RAI2: variants seen among roughly 807,000 people sequenced by gnomAD.
The protein encoded by RAI2 is retinoic acid-induced protein 2.
A neutral mutation model predicts 15.3 loss-of-function variants in RAI2; 5 were observed. That is an observed-to-expected ratio of 0.33 (90% CI 0.17 to 0.69). The LOEUF is 0.69. RAI2 is among the 30% of genes least tolerant of loss of function. The probability of loss-of-function intolerance (pLI) is 0.69; values close to 1 mark genes in which losing one functional copy is unlikely to be tolerated. For missense variants in RAI2, 424 were observed against 424.7 expected, an observed-to-expected ratio of 1.00 and a Z score of 0.01; for synonymous variants, 191 against 184.0, an observed-to-expected ratio of 1.04 and a Z score of -0.31.
In RAI2 at chrX:17,809,579, AATT is replaced by A. The variant is rs760368595; in HGVS notation, c.-24-7548_-24-7546del. On this transcript the variant is annotated intron_variant, in intron 1 of 1. Coordinates refer to ENST00000451717, the MANE Select transcript of RAI2 (RefSeq NM_021785.6). ...TAAATATAGGAAGGCATATAAATCT[AATT>A]ATATATGTGTGTGCATGTGTGTGTG... Among the ~76,000 whole-genome samples, 9 of 111,417 alleles carry A rather than the reference AATT, an allele frequency of 8.1e-5. No individual in the cohort carries two copies. The East Asian group carries it at 2.5e-3, about 31-fold the overall frequency.
At chrX:17,812,337 G>A (rs1306358923) in intron 1 of RAI2, among the ~76,000 whole-genome samples, 1 of 112,091 alleles carries the variant, frequency 8.9e-6, no homozygotes, top group East Asian at 2.8e-4. Flanking sequence ...CTTACCATAA[G>A]CTTGGTGTTA....
chrX:17,815,336 CACACACACACA>C (rs2067095769), intron 1 of RAI2, among the ~76,000 whole-genome samples: 1 of 89,203 alleles, frequency 1.1e-5, no homozygotes, highest in Non-Finnish European at 2.6e-5. Context: ...CACACACACA[CACACACACACA>C]CACACACACA....
chrX:17,824,140 T>C (rs1291904139), intron 1 of RAI2, among the ~76,000 whole-genome samples: 1 of 112,831 alleles, frequency 8.9e-6, no homozygotes, highest in Non-Finnish European at 1.9e-5. Flanking sequence ...AGCAAATGTC[T>C]GCAAATAAGG....
chrX:17,815,217 T>C (rs1056583704), intron 1 of RAI2, among the ~76,000 whole-genome samples: 10 of 111,671 alleles, frequency 9.0e-5, no homozygotes, highest in African/African-American at 3.3e-4. Flanking sequence ...AGATCGGCTG[T>C]ATAACATCTG....
intron 1 of RAI2, among the ~76,000 whole-genome samples, chrX:17,807,342 T>C (rs901765903): frequency 4.5e-5 from 5 of 111,926 alleles, no homozygotes; most frequent in African/African-American, 1.6e-4. Flanking sequence ...CAGGGGATAG[T>C]CTCCCACCTC....
intron 1 of RAI2, among the ~76,000 whole-genome samples, chrX:17,836,287 T>C (rs187115422): frequency 8.9e-6 from 1 of 111,908 alleles, no homozygotes; most frequent in East Asian, 2.8e-4. Flanking sequence ...CTGTCATAAG[T>C]TGAAAATATT....
intron 1 of RAI2, among the ~76,000 whole-genome samples, chrX:17,831,775 TA>T (rs2067284900): frequency 8.9e-6 from 1 of 112,402 alleles, no homozygotes; most frequent in African/African-American, 3.2e-5. Flanking sequence ...TCAATAGACC[TA>T]AATCTGTCTA....
intron 1 of RAI2, among the ~76,000 whole-genome samples, chrX:17,804,413 G>A (rs1272318573): frequency 8.9e-6 from 1 of 112,263 alleles, no homozygotes; most frequent in Admixed American, 9.4e-5. Context: ...ACGCATCAAC[G>A]TTATGCCAGG....
At chrX:17,858,189 C>T (rs1169409677) in intron 1 of RAI2, among the ~76,000 whole-genome samples, 1 of 111,727 alleles carries the variant, frequency 9.0e-6, no homozygotes, top group Non-Finnish European at 1.9e-5. Context: ...AAATAAGAGA[C>T]CTGGAGCAGG....
intron 1 of RAI2, among the ~76,000 whole-genome samples, chrX:17,852,333 G>T (rs1406895315): frequency 9.0e-6 from 1 of 111,492 alleles, no homozygotes; most frequent in African/African-American, 3.3e-5. Context: ...TTCCTCACTG[G>T]CTAGTATGCA....
rs764615393 is a variant in RAI2 at position 17,807,749 on chromosome X, A to G, written c.-24-5715T>C. The stretch of plus-strand genomic sequence containing the variant: ...TGTTAGATGCCCGCAACCAACAAAT[A>G]GGTGGATTTTAGGACTTGGAGAATA... On this transcript the variant is annotated intron_variant, in intron 1 of 1. Transcript: ENST00000451717. 2.7e-5 allele frequency among the ~76,000 whole-genome samples: 3 copies of G among 112,133 alleles called. 1 individual carries two copies. The South Asian group carries it at 1.1e-3, about 42-fold the overall frequency.
At chrX:17,822,922 T>G (rs2067183650) in intron 1 of RAI2, among the ~76,000 whole-genome samples, 1 of 112,754 alleles carries the variant, frequency 8.9e-6, no homozygotes, top group South Asian at 3.6e-4. Flanking sequence ...ACTCTGCCAC[T>G]GTGAGAGCAT....
intron 1 of RAI2, among the ~76,000 whole-genome samples, chrX:17,806,126 G>A (rs921290575): frequency 9.0e-6 from 1 of 111,288 alleles, no homozygotes; most frequent in Non-Finnish European, 1.9e-5. Context: ...CTCATGAATT[G>A]TGGGTTCAAA....
chrX:17,806,626 G>A (rs1172208066), intron 1 of RAI2, among the ~76,000 whole-genome samples: 2 of 111,626 alleles, frequency 1.8e-5, no homozygotes, highest in Non-Finnish European at 3.8e-5. Context: ...CAGATGAGGA[G>A]GTAGGGAGGG....
Position 17,849,787 on chromosome X carries a change from C to G in RAI2, c.-25+11311G>C, listed in dbSNP as rs1364919028. ...GAAGCAATACCCACTTGCTGGCAGG[C>G]CAGAAAGGTGGTATCCTGACCCAGA... On this transcript the variant is annotated intron_variant, in intron 1 of 1. Transcript: ENST00000451717. Among the ~76,000 whole-genome samples, 31 of 112,650 alleles carry G rather than the reference C, an allele frequency of 2.8e-4. No individual in the cohort carries two copies. The Admixed American group carries it at 2.9e-3, about 11-fold the overall frequency.
At chrX:17,816,589 A>G (rs909641939) in intron 1 of RAI2, among the ~76,000 whole-genome samples, 21 of 112,200 alleles carry the variant, frequency 1.9e-4, no homozygotes, top group African/African-American at 6.8e-4. Flanking sequence ...CACCATTACC[A>G]CTGCAGCTAG....
intron 1 of RAI2, among the ~76,000 whole-genome samples, chrX:17,810,321 C>T (rs373692887): frequency 8.9e-5 from 10 of 112,111 alleles, no homozygotes; most frequent in South Asian, 3.7e-4. Context: ...CAGCATCTAA[C>T]GCCAAAGTAT....
intron 1 of RAI2, among the ~76,000 whole-genome samples, chrX:17,802,332 TTA>T (rs1330147945): frequency 1.8e-5 from 2 of 112,375 alleles, no homozygotes; most frequent in Non-Finnish European, 3.8e-5. Flanking sequence ...AATTCTCAGC[TTA>T]TATGTTTGGC....
At chrX:17,821,251 G>A (rs2067161924) in intron 1 of RAI2, among the ~76,000 whole-genome samples, 2 of 111,433 alleles carry the variant, frequency 1.8e-5, no homozygotes, top group African/African-American at 6.5e-5. Context: ...ACTGTCCCCC[G>A]ACTCAACAAC....
Sources: allele counts gnomAD v4.1 joint callset (sites outside exome capture counted in the v4.1 genomes callset), GRCh38; gene constraint gnomAD v4.1.1; transcripts MANE v1.5; gene names NCBI Gene and HGNC (gene_info 2026-07-23, HGNC 2026-07-21).